The following PTPRN2 variants were observed in gnomAD, a reference collection of about 807,000 sequenced individuals.
The protein encoded by PTPRN2 is protein tyrosine phosphatase receptor type N2.
PTPRN2 carries 74 observed loss-of-function variants against 118.8 expected under a neutral mutation model. The observed-to-expected ratio is 0.62, with a 90% CI of 0.52 to 0.76. PTPRN2 has a LOEUF of 0.76. PTPRN2 is among the 30% of genes least tolerant of loss of function. PTPRN2 has a pLI of 0.00. For synonymous variants in PTPRN2, 641 were observed against 608.0 expected (o/e 1.05, Z -0.80); for missense variants, 1,481 against 1,394.4 (o/e 1.06, Z -0.99).
chr7:157,738,659 C>T (rs577300489), intron 12 of PTPRN2, among the ~76,000 whole-genome samples: 2 of 152,326 alleles, frequency 1.3e-5, no homozygotes, highest in South Asian at 2.1e-4. Context: ...GTCGTCATCA[C>T]GGCTCATCAC....
At chr7:158,423,751 T>C (rs563174118) in intron 2 of PTPRN2, among the ~76,000 whole-genome samples, 100 of 152,214 alleles carry the variant, frequency 6.6e-4, no homozygotes, top group Admixed American at 2.4e-3. Context: ...CCTCAAGTGT[T>C]CCGCCCACCT....
intron 3 of PTPRN2, among the ~76,000 whole-genome samples, chr7:158,218,931 A>C (rs532929099): frequency 3.3e-5 from 5 of 152,340 alleles, no homozygotes; most frequent in Admixed American, 1.3e-4. Context: ...CCAGATTCAT[A>C]AAACAAGTTC....
chr7:157,640,538 G>A (rs1804608712), intron 14 of PTPRN2, among the ~76,000 whole-genome samples: 1 of 152,160 alleles, frequency 6.6e-6, no homozygotes, highest in East Asian at 1.9e-4. Flanking sequence ...CTCAGATTCA[G>A]GAATCACAGT....
chr7:158,204,234 G>C (rs546757018), intron 4 of PTPRN2, among the ~76,000 whole-genome samples: 2 of 148,494 alleles, frequency 1.3e-5, no homozygotes, highest in East Asian at 4.1e-4. Context: ...CTCGGTGTGC[G>C]CCGCTTGCTG....
intron 2 of PTPRN2, among the ~76,000 whole-genome samples, chr7:158,388,891 C>T (rs566899229): frequency 5.1e-4 from 77 of 152,356 alleles, no homozygotes; most frequent in African/African-American, 1.9e-3. Flanking sequence ...TTAACCCACA[C>T]ACAGATGATA....
At chr7:158,018,090 G>A (rs1272734053) in intron 11 of PTPRN2, among the ~76,000 whole-genome samples, 1 of 152,188 alleles carries the variant, frequency 6.6e-6, no homozygotes. Context: ...CAGAGATTCT[G>A]AGCCAAGATG....
At chr7:158,026,881 C>T (rs1026021702) in intron 11 of PTPRN2, among the ~76,000 whole-genome samples, 26 of 152,366 alleles carry the variant, frequency 1.7e-4, no homozygotes, top group African/African-American at 5.8e-4. Flanking sequence ...ACAGGACACA[C>T]AGCAGTGATG....
chr7:158,162,663 T>TGCACGTCACCTGTTGTCCC (rs1822464928), intron 6 of PTPRN2, among the ~76,000 whole-genome samples: 1 of 151,972 alleles, frequency 6.6e-6, no homozygotes, highest in Non-Finnish European at 1.5e-5. Context: ...CCTGTTGTCC[T>TGCACGTCACCTGTTGTCCC]CCCCGTCACC....
chr7:157,591,103 G>A lies in PTPRN2; in HGVS notation c.2496+4135C>T, dbSNP rs541384449. 6.6e-6 allele frequency among the ~76,000 whole-genome samples: 1 copy of A among 152,256 alleles called. No individual in the cohort carries two copies. Among genetic ancestry groups the A allele is most frequent in the East Asian group, 1.9e-4 (1 of 5,166 alleles). On this transcript the variant is annotated intron_variant, in intron 17 of 22. Coordinates refer to ENST00000389418, the MANE Select transcript of PTPRN2 (RefSeq NM_002847.5). The surrounding 1 kb of genome is among the most constrained non-coding windows in gnomAD (Gnocchi z 4.4). Reference sequence around the variant, plus strand: ...CCAATGACTGACATCCTTAGAAGAGGAGGGAAATTTGGACCCTGACATAAA... The same window carrying A: ...CCAATGACTGACATCCTTAGAAGAGAAGGGAAATTTGGACCCTGACATAAA...
chr7:158,326,034 T>C (rs1239251136), intron 2 of PTPRN2, among the ~76,000 whole-genome samples: 1 of 152,164 alleles, frequency 6.6e-6, no homozygotes. Flanking sequence ...AACAGCAACG[T>C]TGCAGGGCTC....
chr7:158,292,202 G>A (rs1394078744), intron 3 of PTPRN2, among the ~76,000 whole-genome samples: 1 of 152,180 alleles, frequency 6.6e-6, no homozygotes, highest in Non-Finnish European at 1.5e-5. Context: ...TTCCTCCTCT[G>A]TTGAGACATC....
chr7:157,951,821 C>A (rs1800828218), intron 11 of PTPRN2, among the ~76,000 whole-genome samples: 1 of 152,190 alleles, frequency 6.6e-6, no homozygotes, highest in African/African-American at 2.4e-5. Context: ...TCAGGTGGGG[C>A]CTGAGTCCGG....
Position 158,200,398 on chromosome 7 carries a change from C to T in PTPRN2, c.380+4773G>A, listed in dbSNP as rs547986806. ...GCTGACGCAGCCCCCGTGTGCTAAGCAGCAGAGCCTCAGAGCCTATGAAGC... is the reference window on the plus strand; with the variant it reads ...GCTGACGCAGCCCCCGTGTGCTAAGTAGCAGAGCCTCAGAGCCTATGAAGC... On this transcript the variant is annotated intron_variant, in intron 4 of 22. Transcript: ENST00000389418. 1.4e-3 allele frequency among the ~76,000 whole-genome samples: 213 copies of T among 152,316 alleles called. 2 individuals are homozygous for T. The highest frequency in any genetic ancestry group is 3.4e-3 in the Middle Eastern group (1 of 294).
At chr7:157,851,993 C>A (rs971342175) in intron 12 of PTPRN2, among the ~76,000 whole-genome samples, 2 of 152,220 alleles carry the variant, frequency 1.3e-5, no homozygotes, top group African/African-American at 2.4e-5. Flanking sequence ...AAATAACCAC[C>A]CGCTCAGAAG....
chr7:157,688,910 C>T (rs1049539173), intron 12 of PTPRN2, among the ~76,000 whole-genome samples: 1 of 152,230 alleles, frequency 6.6e-6, no homozygotes, highest in African/African-American at 2.4e-5. Flanking sequence ...CAGCGCCGGA[C>T]ACAAAGGCCA....
chr7:158,488,995 C>T (rs934562753), intron 2 of PTPRN2, among the ~76,000 whole-genome samples: 2 of 152,262 alleles, frequency 1.3e-5, no homozygotes, highest in African/African-American at 2.4e-5. Context: ...ATGCCCTCTG[C>T]CTGACCGCGC....
Position 157,611,746 on chromosome 7 carries a change from C to T in PTPRN2, c.2345-7671G>A, listed in dbSNP as rs373913823. Reference sequence around the variant, plus strand: ...TCATGCTGGGGACACGCGGAGGGAGCGCGCCCGTGTGAAGACGAAGACAGC... The same window carrying T: ...TCATGCTGGGGACACGCGGAGGGAGTGCGCCCGTGTGAAGACGAAGACAGC... On this transcript the variant is annotated intron_variant, in intron 15 of 22. Coordinates refer to ENST00000389418, the MANE Select transcript of PTPRN2 (RefSeq NM_002847.5). The surrounding 1 kb of genome is among the most constrained non-coding windows in gnomAD (Gnocchi z 5.9). Among the ~76,000 whole-genome samples, 1,613 of 110,228 alleles carry T rather than the reference C, an allele frequency of 0.015. 36 individuals are homozygous for T. The highest frequency in any genetic ancestry group is 0.053 in the African/African-American group (1,534 of 28,874). 72.3% of individuals were successfully genotyped at this position (110,228 alleles called of 152,430 possible).
Position 157,986,449 on chromosome 7 carries a change from G to C in PTPRN2, c.1724-87712C>G, listed in dbSNP as rs144678311. Reference sequence around the variant, plus strand: ...TGTGTGGTCACCGTGGTCAGTGGCAGAGGTGGGGCTGGAGGTCAGAACTGG... The same window carrying C: ...TGTGTGGTCACCGTGGTCAGTGGCACAGGTGGGGCTGGAGGTCAGAACTGG... On this transcript the variant is annotated intron_variant, in intron 11 of 22. Transcript: ENST00000389418. The surrounding 1 kb of genome is among the most constrained non-coding windows in gnomAD (Gnocchi z 4.5). 1.1e-3 allele frequency among the ~76,000 whole-genome samples: 167 copies of C among 152,296 alleles called. No individual in the cohort carries two copies. Among genetic ancestry groups the C allele is most frequent in the African/African-American group, 3.9e-3 (163 of 41,566 alleles).
chr7:157,991,079 T>A (rs771271254), intron 11 of PTPRN2, among the ~76,000 whole-genome samples: 2 of 152,070 alleles, frequency 1.3e-5, no homozygotes, highest in African/African-American at 4.8e-5. Context: ...GGGGCACTGC[T>A]ATCTCCACTG....
Sources: allele counts gnomAD v4.1 joint callset (sites outside exome capture counted in the v4.1 genomes callset), GRCh38; gene constraint gnomAD v4.1.1; non-coding constraint Gnocchi (gnomAD v3.1); transcripts MANE v1.5; gene names NCBI Gene and HGNC (gene_info 2026-07-23, HGNC 2026-07-21).